The following ZDHHC14 variants were observed in gnomAD, a reference collection of about 807,000 sequenced individuals.
ZDHHC14 encodes the protein palmitoyltransferase ZDHHC14.
Under a neutral mutation model 47.7 loss-of-function variants are expected in ZDHHC14, and 16 were observed. That is an observed-to-expected ratio of 0.34 (90% confidence interval 0.23 to 0.51). The LOEUF is 0.51. ZDHHC14 is among the 20% of genes least tolerant of loss of function. ZDHHC14 has a pLI of 0.97. For missense variants in ZDHHC14, 515 were observed against 662.5 expected, an observed-to-expected ratio of 0.78 and a Z score of 2.44; for synonymous variants, 293 against 278.9, an observed-to-expected ratio of 1.05 and a Z score of -0.50.
At chr6:157,557,731 A>G (rs1167648157) in intron 2 of ZDHHC14, among the ~76,000 whole-genome samples, 1 of 152,138 alleles carries the variant, frequency 6.6e-6, no homozygotes, top group African/African-American at 2.4e-5. Context: ...CACTGAGAGG[A>G]GTGTGAGCAA....
chr6:157,650,903 G>T (rs987993273), intron 7 of ZDHHC14, among the ~76,000 whole-genome samples: 4 of 152,144 alleles, frequency 2.6e-5, no homozygotes, highest in Non-Finnish European at 5.9e-5. Context: ...CGGTGCTTTT[G>T]GTCCCCCACC....
chr6:157,525,612 A>C (rs1781127058), intron 1 of ZDHHC14, among the ~76,000 whole-genome samples: 1 of 152,132 alleles, frequency 6.6e-6, no homozygotes, highest in South Asian at 2.1e-4. Flanking sequence ...CACTTTCTAG[A>C]AGCAAGTCAT....
At chr6:157,485,657 C>T (rs1463204635) in intron 1 of ZDHHC14, among the ~76,000 whole-genome samples, 2 of 151,336 alleles carry the variant, frequency 1.3e-5, no homozygotes, top group Non-Finnish European at 2.9e-5. Flanking sequence ...TTAAAACCTA[C>T]CCTTGTATCT....
intron 1 of ZDHHC14, among the ~76,000 whole-genome samples, chr6:157,528,593 G>T (rs182784990): frequency 0.026 from 4,026 of 152,112 alleles, 193 homozygotes; most frequent in African/African-American, 0.092. Context: ...TTAGCCAGGC[G>T]TGGTGGCAGG....
At chr6:157,438,072 A>T (rs1355159208) in intron 1 of ZDHHC14, among the ~76,000 whole-genome samples, 2 of 152,192 alleles carry the variant, frequency 1.3e-5, no homozygotes, top group Non-Finnish European at 2.9e-5. Context: ...TTTTAACTGT[A>T]CAGTTCAGTA....
At chr6:157,566,192 T>C (rs1037116694) in intron 2 of ZDHHC14, among the ~76,000 whole-genome samples, 39 of 152,274 alleles carry the variant, frequency 2.6e-4, no homozygotes, top group African/African-American at 9.4e-4. Context: ...AAAAGCTCTA[T>C]TGCGAGTCAA....
At chr6:157,641,656 C>T (rs1055843298) in intron 5 of ZDHHC14, among the ~76,000 whole-genome samples, 26 of 152,118 alleles carry the variant, frequency 1.7e-4, no homozygotes, top group Non-Finnish European at 3.7e-4. Flanking sequence ...TACCTTTTAA[C>T]TTTACTTTTT....
chr6:157,553,357 C>T (rs960135623), intron 2 of ZDHHC14, among the ~76,000 whole-genome samples: 1 of 152,062 alleles, frequency 6.6e-6, no homozygotes, highest in Admixed American at 6.6e-5. Context: ...AAATCAGGGC[C>T]TCGCTGGGAA....
At chr6:157,669,884 G>A (rs902363779) in intron 8 of ZDHHC14, among the ~76,000 whole-genome samples, 3 of 152,236 alleles carry the variant, frequency 2.0e-5, no homozygotes, top group African/African-American at 7.2e-5. Flanking sequence ...GTGCCGCTGC[G>A]GCTCAGCTGC....
chr6:157,606,396 G>T (rs1166575702), intron 3 of ZDHHC14, among the ~76,000 whole-genome samples: 1 of 152,210 alleles, frequency 6.6e-6, no homozygotes, highest in Admixed American at 6.5e-5. Context: ...AACCTGGGAG[G>T]TGGAGGTTAC....
chr6:157,631,051 CA>C (rs1010402018), intron 4 of ZDHHC14: 53 of 151,580 alleles, frequency 3.5e-4, no homozygotes, highest in African/African-American at 1.2e-3. Context: ...CTTACCCCCA[CA>C]CACCCTTATA....
At chr6:157,467,753 T>G (rs1779255579) in intron 1 of ZDHHC14, among the ~76,000 whole-genome samples, 1 of 152,070 alleles carries the variant, frequency 6.6e-6, no homozygotes. Flanking sequence ...TTTCACCATT[T>G]TGGCCAGGCT....
intron 1 of ZDHHC14, among the ~76,000 whole-genome samples, chr6:157,423,876 T>C (rs1778159508): frequency 6.6e-6 from 1 of 152,088 alleles, no homozygotes; most frequent in East Asian, 1.9e-4. Context: ...ACCTGCAGAC[T>C]CTGACCCCCC....
chr6:157,413,108 C>A (rs1420150982), intron 1 of ZDHHC14, among the ~76,000 whole-genome samples: 1 of 152,192 alleles, frequency 6.6e-6, no homozygotes, highest in Non-Finnish European at 1.5e-5. Context: ...AGTGTAATCC[C>A]TTTCCATAGA....
At chr6:157,506,615 GTTTA>G (rs1409532922) in intron 1 of ZDHHC14, among the ~76,000 whole-genome samples, 1 of 152,200 alleles carries the variant, frequency 6.6e-6, no homozygotes, top group African/African-American at 2.4e-5. Context: ...ATCTTCCAGA[GTTTA>G]TTTATTAATT....
chr6:157,522,584 G>A (rs367566409), intron 1 of ZDHHC14, among the ~76,000 whole-genome samples: 1 of 152,026 alleles, frequency 6.6e-6, no homozygotes, highest in Admixed American at 6.5e-5. Flanking sequence ...CAAACTTTTA[G>A]TGGTATGGGT....
At chr6:157,393,338 G>C (rs538094083) in intron 1 of ZDHHC14, among the ~76,000 whole-genome samples, 1 of 152,324 alleles carries the variant, frequency 6.6e-6, no homozygotes, top group Admixed American at 6.5e-5. Context: ...GATAGAGGAG[G>C]GTGTAGCCAA....
intron 3 of ZDHHC14, among the ~76,000 whole-genome samples, chr6:157,595,813 T>A (rs1784105602): frequency 6.6e-6 from 1 of 152,146 alleles, no homozygotes; most frequent in Non-Finnish European, 1.5e-5. Context: ...GAGCCAGGCC[T>A]CCACCTTTCT....
At chr6:157,561,498 G>A (rs1039344715) in intron 2 of ZDHHC14, among the ~76,000 whole-genome samples, 5 of 152,144 alleles carry the variant, frequency 3.3e-5, no homozygotes, top group African/African-American at 7.2e-5. Context: ...TAGAGTGTCC[G>A]ACGGGCGCGC....
Sources: allele counts gnomAD v4.1 joint callset (sites outside exome capture counted in the v4.1 genomes callset), GRCh38; gene constraint gnomAD v4.1.1; transcripts MANE v1.5; gene names NCBI Gene and HGNC (gene_info 2026-07-23, HGNC 2026-07-21).